The following GABRB3 variants were observed in gnomAD, a reference collection of about 807,000 sequenced individuals.
GABRB3 encodes gamma-aminobutyric acid type A receptor subunit beta3.
In GABRB3, 14 loss-of-function variants were observed where a neutral mutation model predicts 52.1. The ratio of observed to expected loss-of-function variants is 0.27; its 90% CI spans 0.18 to 0.42. The LOEUF (loss-of-function observed/expected upper bound fraction) is 0.42, where lower values mean the gene tolerates loss of function less well. Ranked by LOEUF, GABRB3 falls within the 10% of genes least tolerant of loss-of-function variation. The pLI, the probability that GABRB3 is intolerant of heterozygous loss-of-function variation, is 1.00. For missense variants in GABRB3, 307 were observed against 609.1 expected, an observed-to-expected ratio of 0.50 and a Z score of 5.22; for synonymous variants, 260 against 232.3, an observed-to-expected ratio of 1.12 and a Z score of -1.08.
chr15:26,605,409 C>T (rs112708990), intron 4 of GABRB3, among the ~76,000 whole-genome samples: 33 of 152,218 alleles, frequency 2.2e-4, no homozygotes, highest in Non-Finnish European at 3.5e-4. Context: ...TCCCACTGCT[C>T]GGTATACACC....
At chr15:26,668,498 T>A (rs182066304) in intron 3 of GABRB3, among the ~76,000 whole-genome samples, 5 of 152,058 alleles carry the variant, frequency 3.3e-5, no homozygotes, top group African/African-American at 1.2e-4. Flanking sequence ...CTCAGCCTCA[T>A]ACATACAGTT....
At chr15:26,754,718 C>A (rs972487046) in intron 3 of GABRB3, among the ~76,000 whole-genome samples, 5 of 152,136 alleles carry the variant, frequency 3.3e-5, no homozygotes, top group African/African-American at 7.2e-5. Flanking sequence ...TCGGTGCTCA[C>A]TTGGCACACC....
At chr15:26,627,425 A>G (rs6576589) in intron 3 of GABRB3, among the ~76,000 whole-genome samples, 146,868 of 148,040 alleles carry the variant, frequency 0.99, 72,863 homozygotes, top group East Asian at 1. Context: ...GACAGTGATT[A>G]TTTTTACGGA....
At chr15:26,767,977 G>A (rs758507759) in intron 3 of GABRB3, among the ~76,000 whole-genome samples, 19 of 152,012 alleles carry the variant, frequency 1.2e-4, no homozygotes, top group Non-Finnish European at 2.6e-4. Flanking sequence ...CTTGAAATGT[G>A]CTAAAATTAT....
chr15:26,624,172 T>C, intron 3 of GABRB3: 1 of 983,834 alleles, frequency 1.0e-6, no homozygotes, highest in Non-Finnish European at 1.2e-6. Context: ...AGAATGCACC[T>C]TCACAGGGCA....
At position 26,759,110 on chromosome 15, in the gene GABRB3, C is replaced by G. The variant is rs947110163; in HGVS notation, c.240+13292G>C. 2.6e-5 allele frequency among the ~76,000 whole-genome samples: 4 copies of G among 152,076 alleles called. No homozygotes were observed. In the East Asian group the frequency reaches 5.8e-4, roughly 22 times the overall value. On this transcript the variant is annotated intron_variant, in intron 3 of 8. Coordinates refer to ENST00000311550, the MANE Select transcript of GABRB3 (RefSeq NM_000814.6). Reference sequence around the variant, plus strand: ...TTTCCTATGACATAATAAAATCAAGCAATTTTCCTGGTCTCTCTGCACATC... The same window carrying G: ...TTTCCTATGACATAATAAAATCAAGGAATTTTCCTGGTCTCTCTGCACATC...
chr15:26,669,661 T>A (rs907183911), intron 3 of GABRB3, among the ~76,000 whole-genome samples: 5 of 151,820 alleles, frequency 3.3e-5, no homozygotes, highest in Admixed American at 3.3e-4. Flanking sequence ...CCCTCAGTAG[T>A]CCTCCTATTC....
chr15:26,769,033 T>C (rs1052110557), intron 3 of GABRB3, among the ~76,000 whole-genome samples: 2 of 152,000 alleles, frequency 1.3e-5, no homozygotes, highest in African/African-American at 4.8e-5. Flanking sequence ...GAGACATTTT[T>C]TGGAGGCATC....
intron 3 of GABRB3, among the ~76,000 whole-genome samples, chr15:26,763,059 G>T (rs1344766773): frequency 2.0e-5 from 3 of 152,182 alleles, no homozygotes; most frequent in African/African-American, 7.2e-5. Context: ...TTTCTAGGAT[G>T]CATACTGCCT....
intron 3 of GABRB3, among the ~76,000 whole-genome samples, chr15:26,734,118 C>T (rs566189974): frequency 6.7e-6 from 1 of 149,892 alleles, no homozygotes; most frequent in South Asian, 2.1e-4. Context: ...CAACCTCCGC[C>T]TCCTGGGTTC....
At chr15:26,597,570 T>G (rs1891439687) in intron 4 of GABRB3, among the ~76,000 whole-genome samples, 1 of 152,170 alleles carries the variant, frequency 6.6e-6, no homozygotes, top group Non-Finnish European at 1.5e-5. Flanking sequence ...GGATTTATCA[T>G]GGATCCTCTA....
chr15:26,672,100 T>C (rs536164419), intron 3 of GABRB3, among the ~76,000 whole-genome samples: 1 of 152,298 alleles, frequency 6.6e-6, no homozygotes, highest in South Asian at 2.1e-4. Flanking sequence ...CCCTCCCTCC[T>C]TTTCTTTGCG....
chr15:26,746,491 A>C (rs1443562447), intron 3 of GABRB3, among the ~76,000 whole-genome samples: 1 of 151,872 alleles, frequency 6.6e-6, no homozygotes, highest in African/African-American at 2.4e-5. Flanking sequence ...TTTGGTGTTA[A>C]ATTTAAGAAT....
intron 3 of GABRB3, among the ~76,000 whole-genome samples, chr15:26,665,431 A>G (rs1887679283): frequency 6.6e-6 from 1 of 152,260 alleles, no homozygotes; most frequent in African/African-American, 2.4e-5. Flanking sequence ...GGATGTAAAC[A>G]TAAAATTAAA....
At chr15:26,721,373 G>C (rs1437608567) in intron 3 of GABRB3, among the ~76,000 whole-genome samples, 1 of 151,938 alleles carries the variant, frequency 6.6e-6, no homozygotes, top group East Asian at 2.0e-4. Flanking sequence ...GGAAGAAGAG[G>C]ACTCTAAATC....
At chr15:26,568,309 C>T (rs972202015) in intron 6 of GABRB3, among the ~76,000 whole-genome samples, 4 of 152,208 alleles carry the variant, frequency 2.6e-5, no homozygotes, top group Non-Finnish European at 4.4e-5. Context: ...GAGGCATTAA[C>T]GAGAGTCTCA....
At position 26,689,708 on chromosome 15, in the gene GABRB3, C is replaced by T. The variant is rs555009884; in HGVS notation, c.241-68174G>A. Among the ~76,000 whole-genome samples, 10 of 152,098 alleles carry T rather than the reference C, an allele frequency of 6.6e-5. No homozygotes were observed. The East Asian group carries it at 1.9e-3, about 30-fold the overall frequency. On this transcript the variant is annotated intron_variant, in intron 3 of 8. Coordinates refer to ENST00000311550, the MANE Select transcript of GABRB3 (RefSeq NM_000814.6). Reference sequence around the variant, plus strand: ...CAGAACCACTCTGTGCTGGGTGGTCCCCAAGCAGGAAGGAATGCTGGCCGG... The same window carrying T: ...CAGAACCACTCTGTGCTGGGTGGTCTCCAAGCAGGAAGGAATGCTGGCCGG...
At chr15:26,561,218 C>A in intron 7 of GABRB3, 42 bp from the exon 8 acceptor site, 1 of 1,610,246 alleles carries the variant, frequency 6.2e-7, no homozygotes. Context: ...AACTTTGCCA[C>A]ATTGGTCTTC....
intron 5 of GABRB3, among the ~76,000 whole-genome samples, chr15:26,582,207 C>T (rs1890814548): frequency 6.6e-6 from 1 of 152,150 alleles, no homozygotes; most frequent in African/African-American, 2.4e-5. Context: ...GCCCATACAC[C>T]ACAGCGGCAG....
Sources: allele counts gnomAD v4.1 joint callset (sites outside exome capture counted in the v4.1 genomes callset), GRCh38; gene constraint gnomAD v4.1.1; transcripts MANE v1.5; gene names NCBI Gene and HGNC (gene_info 2026-07-23, HGNC 2026-07-21).